The following TTC28 variants were observed in gnomAD, a reference collection of about 807,000 sequenced individuals.
TTC28 encodes tetratricopeptide repeat protein 28.
TTC28 carries 61 observed loss-of-function variants against 198.0 expected under a neutral mutation model. The ratio of observed to expected loss-of-function variants is 0.31; its 90% CI spans 0.25 to 0.38. The LOEUF (loss-of-function observed/expected upper bound fraction) is 0.38, where lower values mean the gene tolerates loss of function less well. TTC28 is among the 10% of genes least tolerant of loss of function. TTC28 has a pLI of 1.00. For synonymous variants in TTC28, 1,171 were observed against 1,297.8 expected (o/e 0.90, Z 2.10); for missense variants, 2,678 against 3,164.0 (o/e 0.85, Z 3.69).
rs143599075 is a variant in TTC28 at position 28,158,508 on chromosome 22, A to C, written c.1441+4584T>G. Among the ~76,000 whole-genome samples, 227 of 152,360 alleles carry C rather than the reference A, an allele frequency of 1.5e-3. 4 individuals carry two copies. Among genetic ancestry groups the C allele is most frequent in the South Asian group, 9.3e-3 (45 of 4,826 alleles). ...ATAATTTGAATCATTACCTGATTTC[A>C]AATTACACTACAAAGCTATAGTAAC... On this transcript the variant is annotated intron_variant, in intron 6 of 22. Transcript: ENST00000397906.
intron 1 of TTC28, among the ~76,000 whole-genome samples, chr22:28,646,967 G>A (rs563403488): frequency 5.3e-5 from 8 of 152,274 alleles, no homozygotes; most frequent in South Asian, 4.1e-4. Context: ...GCATTACATT[G>A]TTGGACTTCA....
chr22:28,002,117 A>G (rs756336494), intron 14 of TTC28: 48 of 157,034 alleles, frequency 3.1e-4, no homozygotes, highest in Non-Finnish European at 6.4e-4. Context: ...GACCCAATGC[A>G]TGGATGACTC....
At chr22:28,270,665 A>G (rs1008298491) in intron 5 of TTC28, among the ~76,000 whole-genome samples, 1 of 152,226 alleles carries the variant, frequency 6.6e-6, no homozygotes, top group African/African-American at 2.4e-5. Context: ...TAAAAACTAA[A>G]GGGCAAAGAT....
intron 12 of TTC28, among the ~76,000 whole-genome samples, chr22:28,050,284 G>A (rs1293326338): frequency 6.6e-6 from 1 of 152,108 alleles, no homozygotes; most frequent in Non-Finnish European, 1.5e-5. Flanking sequence ...TTTTCTAAAG[G>A]CAATCAGGGG....
chr22:28,418,444 G>A (rs923323515), intron 2 of TTC28, among the ~76,000 whole-genome samples: 1 of 152,062 alleles, frequency 6.6e-6, no homozygotes, highest in Non-Finnish European at 1.5e-5. Context: ...TACAAAAAAC[G>A]CTTAAACTTA....
chr22:28,534,810 G>A (rs1486343816), intron 2 of TTC28, among the ~76,000 whole-genome samples: 2 of 152,034 alleles, frequency 1.3e-5, no homozygotes, highest in East Asian at 3.9e-4. Flanking sequence ...ACTATCGCAA[G>A]GAAAGAAAAC....
intron 3 of TTC28, among the ~76,000 whole-genome samples, chr22:28,300,909 C>A (rs116269148): frequency 6.6e-6 from 1 of 152,094 alleles, no homozygotes; most frequent in African/African-American, 2.4e-5. Context: ...ATACAGACAC[C>A]TGTATTTAAA....
At chr22:28,621,555 A>C (rs2050997126) in intron 2 of TTC28, among the ~76,000 whole-genome samples, 1 of 151,464 alleles carries the variant, frequency 6.6e-6, no homozygotes, top group Admixed American at 6.6e-5. Context: ...CCACTAAAAA[A>C]AAATAATAAT....
chr22:28,435,650 A>T (rs1045847104), intron 2 of TTC28, among the ~76,000 whole-genome samples: 1 of 152,194 alleles, frequency 6.6e-6, no homozygotes, highest in African/African-American at 2.4e-5. Flanking sequence ...TAAACTCTGT[A>T]GCCTCTTACA....
chr22:28,360,123 CTCTT>C (rs1462977090), intron 2 of TTC28, among the ~76,000 whole-genome samples: 6 of 152,292 alleles, frequency 3.9e-5, no homozygotes, highest in Admixed American at 3.9e-4. Context: ...CTCTCTTCTC[CTCTT>C]TCTCTCTCTC....
In TTC28 at chr22:27,983,708, A is replaced by G. The variant is rs1937102325; in HGVS notation, c.5959T>C (p.Ser1987Pro). The change falls in exon 23 of 23, where the codon TCA becomes CCA. Residue 1987 changes from serine to proline, a missense_variant. Coordinates refer to ENST00000397906, the MANE Select transcript of TTC28 (RefSeq NM_001145418.2). The part of the protein sequence containing the change: ...FSPTGADSIA[S>P]DAISVYSLSS... ...AGACTGTACACAGAGATGGCATCTGAGGCGATGCTGTCCGCACCGGTGGGA... is the reference window on the plus strand; with the variant it reads ...AGACTGTACACAGAGATGGCATCTGGGGCGATGCTGTCCGCACCGGTGGGA... 1.3e-6 allele frequency: 2 copies of G among 1,550,938 alleles called. No homozygotes were observed. The highest frequency in any genetic ancestry group is 2.7e-5 in the African/African-American group (2 of 73,074).
chr22:28,466,816 T>TAC lies in TTC28; in HGVS notation c.382-160175_382-160174dup, dbSNP rs1250614587. On this transcript the variant is annotated intron_variant, in intron 2 of 22. Coordinates refer to ENST00000397906, the MANE Select transcript of TTC28 (RefSeq NM_001145418.2). Reference sequence around the variant, plus strand: ...AATCAGTATTCTCACATTATATACATACATACACACACACACACACACACA... The same window carrying TAC: ...AATCAGTATTCTCACATTATATACATACACATACACACACACACACACACACA... 6.9e-3 allele frequency among the ~76,000 whole-genome samples: 484 copies of TAC among 70,558 alleles called. 1 individual carries two copies. The highest frequency in any genetic ancestry group is 7.1e-3 in the Admixed American group (40 of 5,620). 46.3% of individuals were successfully genotyped at this position (70,558 alleles called of 152,430 possible).
At chr22:28,363,599 G>A (rs1425046559) in intron 2 of TTC28, among the ~76,000 whole-genome samples, 1 of 152,156 alleles carries the variant, frequency 6.6e-6, no homozygotes, top group Admixed American at 6.5e-5. Flanking sequence ...CTGACAGCTT[G>A]CACCATGCAC....
In TTC28 at chr22:28,642,772, T is replaced by G. The variant is rs60586383; in HGVS notation, c.103-12942A>C. On this transcript the variant is annotated intron_variant, in intron 1 of 22. Coordinates refer to ENST00000397906, the MANE Select transcript of TTC28 (RefSeq NM_001145418.2). ...GGTCAGAGAGGTAACTGGGGCCCAG[T>G]GTGTTTAGATCTGCACTGCCCAATA... Among the ~76,000 whole-genome samples, 544 of 152,250 alleles carry G rather than the reference T, an allele frequency of 3.6e-3. 3 individuals are homozygous for G. Among genetic ancestry groups the G allele is most frequent in the African/African-American group, 0.013 (522 of 41,544 alleles).
chr22:28,098,889 C>T (rs764056203), intron 10 of TTC28, 26 bp downstream of exon 10: 87 of 1,550,318 alleles, frequency 5.6e-5, no homozygotes, highest in Non-Finnish European at 7.4e-5. Context: ...CACACGTAAG[C>T]AAGGAGTAAC....
intron 13 of TTC28, among the ~76,000 whole-genome samples, chr22:28,022,021 T>C (rs1483646132): frequency 2.6e-5 from 4 of 152,236 alleles, no homozygotes; most frequent in Non-Finnish European, 5.9e-5. Flanking sequence ...CTGTGACTAA[T>C]GAGTAAACAA....
intron 1 of TTC28, among the ~76,000 whole-genome samples, chr22:28,642,267 G>A (rs890586938): frequency 1.3e-5 from 2 of 151,460 alleles, no homozygotes; most frequent in African/African-American, 4.8e-5. Flanking sequence ...AGTGGGTAAT[G>A]TAAAAGTTAA....
At chr22:28,573,956 G>A (rs887490175) in intron 2 of TTC28, among the ~76,000 whole-genome samples, 17 of 152,010 alleles carry the variant, frequency 1.1e-4, no homozygotes, top group Non-Finnish European at 2.1e-4. Context: ...TGCAAAGTGT[G>A]TCTTTGTCTG....
At chr22:28,238,924 A>AAT (rs1261443389) in intron 5 of TTC28, among the ~76,000 whole-genome samples, 5 of 152,048 alleles carry the variant, frequency 3.3e-5, no homozygotes, top group African/African-American at 1.2e-4. Flanking sequence ...TCCCCAAACT[A>AAT]ATATGTATTT....
Sources: allele counts gnomAD v4.1 joint callset (sites outside exome capture counted in the v4.1 genomes callset), GRCh38; gene constraint gnomAD v4.1.1; transcripts MANE v1.5; gene names NCBI Gene and HGNC (gene_info 2026-07-23, HGNC 2026-07-21).